Variants in ADPRH observed in about 807,000 individuals in gnomAD.
ADPRH encodes ADP-ribose-L-arginine cleaving enzyme.
A neutral mutation model predicts 28.8 loss-of-function variants in ADPRH; 27 were observed. The ratio of observed to expected loss-of-function variants is 0.94; its 90% confidence interval spans 0.69 to 1.29. The LOEUF (loss-of-function observed/expected upper bound fraction) is 1.29, where lower values mean the gene tolerates loss of function less well. ADPRH is among the 50% of genes most tolerant of loss of function. The probability of loss-of-function intolerance (pLI) is 0.00; values close to 1 mark genes in which losing one functional copy is unlikely to be tolerated. For synonymous variants in ADPRH, 161 were observed against 166.9 expected (o/e 0.96, Z 0.27); for missense variants, 419 against 444.8 (o/e 0.94, Z 0.52).
At chr3:119,581,639 C>G (rs1034190926) in intron 2 of ADPRH, among the ~76,000 whole-genome samples, 4 of 152,192 alleles carry the variant, frequency 2.6e-5, no homozygotes, top group African/African-American at 7.2e-5. Context: ...ACTGTAATCC[C>G]TCCCTATTAG....
intron 3 of ADPRH, 127 bp from the exon 4 acceptor site, chr3:119,586,158 C>A: frequency 7.3e-7 from 1 of 1,374,880 alleles, no homozygotes; most frequent in Non-Finnish European, 1.0e-6. Context: ...TTGGGGCATG[C>A]ATCATCATAT....
At chr3:119,585,093 G>C (rs1176643858) in intron 3 of ADPRH, among the ~76,000 whole-genome samples, 2 of 152,170 alleles carry the variant, frequency 1.3e-5, no homozygotes, top group African/African-American at 4.8e-5. Context: ...AACACCTCCT[G>C]ATGAAAGCTT....
intron 3 of ADPRH, among the ~76,000 whole-genome samples, chr3:119,582,979 C>T (rs2082421725): frequency 6.6e-6 from 1 of 152,178 alleles, no homozygotes; most frequent in South Asian, 2.1e-4. Context: ...CCAAAACCTC[C>T]CCCAACCAAC....
rs745628597 is a variant in ADPRH at position 119,587,726 on chromosome 3, G to A, written c.922G>A (p.Ala308Thr). Residue 308 changes from alanine (A) to threonine (T), a missense_variant, in exon 5 of 5, where the codon GCC becomes ACC. Physicochemically the swap from Ala to Thr is moderately conservative, Grantham distance 58. Transcript: ENST00000357003. ...FHGGDSDSTAAIAGCWWGVMY... is the reference protein window; with the variant it reads ...FHGGDSDSTATIAGCWWGVMY... ...TGGTGGAGACAGTGATTCTACAGCT[G>A]CCATTGCTGGCTGCTGGTGGGGAGT... The A allele has an allele frequency of 8.1e-6, 13 of 1,614,218 alleles. No homozygotes were observed. The Middle Eastern group carries it at 1.2e-3, about 143-fold the overall frequency.
chr3:119,586,369 G>C lies in ADPRH; in HGVS notation c.383G>C (p.Gly128Ala). ...ATTCCCTTCAACAGCCATGAGGGCG[G>C]CTGTGGGGCTGCCATGCGGGCCATG... ...WRIPFNSHEG[G>A]CGAAMRAMCI... Residue 128 changes from glycine to alanine, a missense_variant, in exon 4 of 5, where the codon GGC becomes GCC. Physicochemically the swap from Gly to Ala is moderately conservative, Grantham distance 60. Transcript: ENST00000357003. The C allele has an allele frequency of 6.2e-7, 1 of 1,614,246 alleles. No homozygotes were observed. The highest frequency in any genetic ancestry group is 8.5e-7 in the Non-Finnish European group (1 of 1,180,056).
At chr3:119,581,301 C>T (rs2082403383) in intron 2 of ADPRH, among the ~76,000 whole-genome samples, 1 of 152,188 alleles carries the variant, frequency 6.6e-6, no homozygotes, top group Non-Finnish European at 1.5e-5. Flanking sequence ...CTCCTGACCT[C>T]AGATGAGCCA....
chr3:119,579,936 G>T (rs2082391093), intron 1 of ADPRH, 85 bp downstream of exon 1: 1 of 152,344 alleles, frequency 6.6e-6, no homozygotes, highest in Admixed American at 6.5e-5. Context: ...AGGATTCCCA[G>T]TCTTGCAAAT....
Position 119,582,366 on chromosome 3 carries a change from C to T in ADPRH, c.197C>T (p.Ala66Val). ...GTGATGCACTTGGCCACAGCAGAAG[C>T]TCTTGTGGAAGCTGGGAAAGCCCCT... ...DTVMHLATAE[A>V]LVEAGKAPKL... The change falls in exon 3 of 5, where the codon GCT (alanine) becomes GTT (valine). Residue 66 changes from alanine to valine, a missense_variant. Coordinates refer to ENST00000357003, the MANE Select transcript of ADPRH (RefSeq NM_001125.4). 1.2e-6 allele frequency: 2 copies of T among 1,614,216 alleles called. No individual in the cohort carries two copies. Among genetic ancestry groups the T allele is most frequent in the Non-Finnish European group, 1.7e-6 (2 of 1,180,042 alleles).
chr3:119,587,517 A>G lies in ADPRH; in HGVS notation c.713A>G (p.Asp238Gly). 1.3e-6 allele frequency: 2 copies of G among 1,593,322 alleles called. No individual in the cohort carries two copies. Among genetic ancestry groups the G allele is most frequent in the African/African-American group, 2.7e-5 (2 of 74,610 alleles). ...ENYLKLRGIL[D>G]GESAPTFPES... ...TACCTAAAACTTAGAGGGATTTTGGATGGAGAATCAGCCCCTACCTTCCCT... is the reference window on the plus strand; with the variant it reads ...TACCTAAAACTTAGAGGGATTTTGGGTGGAGAATCAGCCCCTACCTTCCCT... The change falls in exon 5 of 5, where the codon GAT (aspartate) becomes GGT (glycine). Residue 238 changes from aspartate to glycine, a missense_variant. Physicochemically the swap from Asp to Gly is moderately conservative, Grantham distance 94 (BLOSUM62 -1). Coordinates refer to ENST00000357003, the MANE Select transcript of ADPRH (RefSeq NM_001125.4).
rs1179102954 is a variant in ADPRH at position 119,588,698 on chromosome 3, G to A, written c.*820G>A. ...CACCTCTATTGCCTTCTTGCACTGA[G>A]GATTTTTCAGCTGGATTTCTGCAAT... On this transcript the variant is annotated 3_prime_UTR_variant, in exon 5 of 5. Transcript: ENST00000357003. The A allele has an allele frequency of 6.6e-6, 1 of 152,216 alleles. No individual in the cohort carries two copies. The highest frequency in any genetic ancestry group is 1.5e-5 in the Non-Finnish European group (1 of 68,074). The allele number at this position is 152,216 out of a possible 1,614,324, so 9.4% of individuals were successfully genotyped here.
At chr3:119,580,692 T>C (rs573508589) in intron 2 of ADPRH, 56 bp downstream of exon 2, 1 of 152,032 alleles carries the variant, frequency 6.6e-6, no homozygotes, top group Non-Finnish European at 1.5e-5. Context: ...GAGGGGAGAA[T>C]GAGCTAGTCT....
chr3:119,581,331 G>A (rs1356777013), intron 2 of ADPRH, among the ~76,000 whole-genome samples: 1 of 152,172 alleles, frequency 6.6e-6, no homozygotes, highest in Non-Finnish European at 1.5e-5. Flanking sequence ...GCCTCCCAAA[G>A]TGCTGAGATT....
rs113465051 is a variant in ADPRH, at chr3:119,582,065, A to G, written c.-36-69A>G. 1.3e-3 allele frequency: 1,498 copies of G among 1,180,426 alleles called. 26 individuals are homozygous for G. The African/African-American group carries it at 0.02, about 16-fold the overall frequency. 73.1% of individuals were successfully genotyped at this position (1,180,426 alleles called of 1,614,324 possible). A position where few individuals can be genotyped will look rare whatever the true frequency, so the allele number is the denominator to read the frequency against. On this transcript the variant is annotated intron_variant, in intron 2 of 4. Coordinates refer to ENST00000357003, the MANE Select transcript of ADPRH (RefSeq NM_001125.4). The stretch of plus-strand genomic sequence containing the variant: ...AGTGAGTGCTCAATAAAACATAGCT[A>G]GAGTCGTTGTTTTTTCTGATTCTTC...
At position 119,586,306 on chromosome 3, in the gene ADPRH, C is replaced by G; in HGVS notation, c.320C>G (p.Ala107Gly). The change falls in exon 4 of 5, where the codon GCC (alanine) becomes GGC (glycine). Residue 107 changes from alanine (A) to glycine (G), a missense_variant. Ala to Gly is a moderately conservative substitution (Grantham distance 60). Coordinates refer to ENST00000357003, the MANE Select transcript of ADPRH (RefSeq NM_001125.4). ...CCAGGTGGTGCCTCGGTGCACAACG[C>G]CATGCAGCTGAAGCCGGGCAAGCCC... Reference protein sequence around the residue: ...RAPGGASVHNAMQLKPGKPNG... With the variant: ...RAPGGASVHNGMQLKPGKPNG... 1 of 1,613,588 alleles carries G rather than the reference C, an allele frequency of 6.2e-7. No individual in the cohort carries two copies. The highest frequency in any genetic ancestry group is 8.5e-7 in the Non-Finnish European group (1 of 1,180,054).
chr3:119,586,734 C>T (rs2082465617), intron 4 of ADPRH, 89 bp downstream of exon 4: 2 of 1,530,002 alleles, frequency 1.3e-6, no homozygotes, highest in Non-Finnish European at 1.8e-6. Context: ...ATTCAGAGAT[C>T]ACAGCAACCC....
chr3:119,588,096 G>T lies in ADPRH; in HGVS notation c.*218G>T. On this transcript the variant is annotated 3_prime_UTR_variant, in exon 5 of 5. Coordinates refer to ENST00000357003, the MANE Select transcript of ADPRH (RefSeq NM_001125.4). ...CACTGAAGAGTCCTTTAGCTCAATT[G>T]ATAGGGTCAGCGTCTCGCAAGCAAA... 2.4e-6 allele frequency: 1 copy of T among 422,718 alleles called. No homozygotes were observed. The highest frequency in any genetic ancestry group is 3.6e-5 in the East Asian group (1 of 27,888). The allele number at this position is 422,718 out of a possible 1,614,324, so 26.2% of individuals were successfully genotyped here. A position where few individuals can be genotyped will look rare whatever the true frequency, so the allele number is the denominator to read the frequency against.
rs1448484054 is a variant in ADPRH, at chr3:119,588,033, G to A, written c.*155G>A. 3 of 688,878 alleles carry A rather than the reference G, an allele frequency of 4.4e-6. No homozygotes were observed. The highest frequency in any genetic ancestry group is 3.4e-5 in the Admixed American group (1 of 29,204). 42.7% of individuals were successfully genotyped at this position (688,878 alleles called of 1,614,324 possible). ...GGGCACCTTAAGCTCAGTTTTTTCA[G>A]GCTCATCCTGTTCTTCCAGAATCTA... On this transcript the variant is annotated 3_prime_UTR_variant, in exon 5 of 5. Transcript: ENST00000357003.
At chr3:119,586,226 C>G (rs1171881360) in intron 3 of ADPRH, 59 bp from the exon 4 acceptor site, 11 of 1,590,514 alleles carry the variant, frequency 6.9e-6, no homozygotes, top group Middle Eastern at 2.3e-4. Context: ...TTATTTATTC[C>G]TGCTGGGGCC....
At chr3:119,580,220 G>A (rs2082393654) in intron 1 of ADPRH, 1 of 152,240 alleles carries the variant, frequency 6.6e-6, no homozygotes, top group Non-Finnish European at 1.5e-5. Flanking sequence ...GGACAATGAG[G>A]ACATTGAGAG....
Sources: gnomAD v4.1 joint callset for allele counts (sites outside exome capture counted in the v4.1 genomes callset) on GRCh38, gnomAD v4.1.1 for gene constraint, MANE v1.5 for transcripts, NCBI Gene and HGNC (gene_info 2026-07-23, HGNC 2026-07-21) for gene names.